OR11A1: variants seen among roughly 807,000 people sequenced by gnomAD.
OR11A1 encodes olfactory receptor 11A1.
For missense variants in OR11A1, 380 were observed against 378.2 expected (o/e 1.00, Z -0.04); for synonymous variants, 158 against 152.2 (o/e 1.04, Z -0.28).
Position 29,426,838 on chromosome 6 carries a change from G to A in OR11A1, c.804C>T (p.Ser268=), listed in dbSNP as rs918357780. The change falls in exon 5 of 5, where the codon TCC becomes TCT. Residue 268 remains serine, a synonymous_variant. Transcript: ENST00000377149. ...IFYVAPSAVH[S]QLLSKVFSLL... ...GGGAGAAGACCTTGGAGAGGAGCTG[G>A]GAATGGACAGCAGAGGGTGCAACAT... 1.9e-6 allele frequency: 3 copies of A among 1,613,124 alleles called. No individual in the cohort carries two copies. The highest frequency in any genetic ancestry group is 2.5e-6 in the Non-Finnish European group (3 of 1,180,016).
At chr6:29,456,434 C>G (rs1399311599) in intron 1 of OR11A1, among the ~76,000 whole-genome samples, 1 of 147,224 alleles carries the variant, frequency 6.8e-6, no homozygotes, top group Non-Finnish European at 1.5e-5. Context: ...GGCGTGAACC[C>G]GGAAGGCAGA....
intron 1 of OR11A1, among the ~76,000 whole-genome samples, chr6:29,452,575 C>T (rs1785540492): frequency 6.6e-6 from 1 of 152,012 alleles, no homozygotes; most frequent in Admixed American, 6.5e-5. Flanking sequence ...AACATCTCAA[C>T]AGAAACAAAG....
At chr6:29,443,063 G>A (rs1238943261) in intron 1 of OR11A1, among the ~76,000 whole-genome samples, 1 of 152,150 alleles carries the variant, frequency 6.6e-6, no homozygotes, top group African/African-American at 2.4e-5. Flanking sequence ...ATATCTCAGT[G>A]ATAGGAATCA....
chr6:29,440,524 C>G (rs1364050973), intron 1 of OR11A1: 1 of 1,613,772 alleles, frequency 6.2e-7, no homozygotes, highest in South Asian at 1.1e-5. Context: ...TTCTGCGGCC[C>G]CAATACCATC....
Position 29,445,792 on chromosome 6 carries a change from G to A in OR11A1, c.-389+11195C>T, listed in dbSNP as rs147251524. On this transcript the variant is annotated intron_variant, in intron 1 of 4. Coordinates refer to ENST00000377149, the MANE Select transcript of OR11A1 (RefSeq NM_001394828.1). ...GTGGCTCAGTCCTGGAAATGGGAGCGTGTGCTTGTCCATTGCCAGCCTCTC... is the reference window on the plus strand; with the variant it reads ...GTGGCTCAGTCCTGGAAATGGGAGCATGTGCTTGTCCATTGCCAGCCTCTC... Among the ~76,000 whole-genome samples the A allele has an allele frequency of 2.5e-3, 387 of 152,300 alleles. 1 individual carries two copies. The highest frequency in any genetic ancestry group is 5.3e-3 in the African/African-American group (220 of 41,568).
rs374689335 is a variant in OR11A1, at chr6:29,427,465, T to C, written c.177A>G (p.Lys59=). 37 of 1,613,038 alleles carry C rather than the reference T, an allele frequency of 2.3e-5. No individual in the cohort carries two copies. The highest frequency in any genetic ancestry group is 1.6e-4 in the Middle Eastern group (1 of 6,062). Residue 59 remains lysine, a synonymous_variant, in exon 5 of 5, where the codon AAA becomes AAG. Transcript: ENST00000377149. ...GATTCGCCAAGAAAATATACATGGG[T>C]TTGTGGAGCCTCTGGGAGCTAACCA... ...VAVVSSQRLH[K]PMYIFLANLS...
chr6:29,444,524 G>C lies in OR11A1; in HGVS notation c.-389+12463C>G, dbSNP rs187368792. Among the ~76,000 whole-genome samples the C allele has an allele frequency of 2.7e-4, 41 of 152,244 alleles. 1 individual carries two copies. The highest frequency in any genetic ancestry group is 3.3e-4 in the Admixed American group (5 of 15,292). ...TAAACATAAAGGCTAAATCAAATGA[G>C]CTCTGGATTGAGTTCCAGATCCACT... On this transcript the variant is annotated intron_variant, in intron 1 of 4. Transcript: ENST00000377149.
At chr6:29,451,192 A>G (rs995998578) in intron 1 of OR11A1, among the ~76,000 whole-genome samples, 3 of 152,254 alleles carry the variant, frequency 2.0e-5, no homozygotes, top group Admixed American at 1.3e-4. Flanking sequence ...ACCATATGCA[A>G]AAGTCAACTC....
intron 1 of OR11A1, chr6:29,439,238 T>G (rs903243700): frequency 2.6e-5 from 4 of 152,188 alleles, no homozygotes; most frequent in African/African-American, 9.6e-5. Context: ...TTGTGGAGTT[T>G]ATGTGTGTAG....
chr6:29,428,474 G>T, intron 4 of OR11A1: 1 of 891,544 alleles, frequency 1.1e-6, no homozygotes, highest in South Asian at 5.2e-5. Flanking sequence ...TTGGCCAGGA[G>T]GCCGGGCTTG....
At chr6:29,441,491 G>C (rs1784188238) in intron 1 of OR11A1, among the ~76,000 whole-genome samples, 1 of 152,212 alleles carries the variant, frequency 6.6e-6, no homozygotes, top group Admixed American at 6.5e-5. Flanking sequence ...CAGAGGTTAA[G>C]AGAACAGATT....
At position 29,453,244 on chromosome 6, in the gene OR11A1, A is replaced by T. The variant is rs1785639589; in HGVS notation, c.-389+3743T>A. ...AAAATAAAATTCACCAGATATGGTG[A>T]ATTAAAGAGGACAGCAAATCCTTCC... is the stretch of plus-strand genomic sequence containing the variant. On this transcript the variant is annotated intron_variant, in intron 1 of 4. Coordinates refer to ENST00000377149, the MANE Select transcript of OR11A1 (RefSeq NM_001394828.1). This position sits in a 1 kb window ranked among gnomAD's most constrained non-coding sequence, Gnocchi z 4.5. 6.6e-6 allele frequency among the ~76,000 whole-genome samples: 1 copy of T among 151,228 alleles called. No homozygotes were observed. The highest frequency in any genetic ancestry group is 2.1e-4 in the South Asian group (1 of 4,818).
intron 1 of OR11A1, among the ~76,000 whole-genome samples, chr6:29,442,783 C>G (rs546781379): frequency 6.6e-6 from 1 of 152,260 alleles, no homozygotes; most frequent in Non-Finnish European, 1.5e-5. Context: ...TAGCGAGGAA[C>G]AGCATTTAAG....
chr6:29,445,683 G>T (rs1232174522), intron 1 of OR11A1, among the ~76,000 whole-genome samples: 3 of 152,178 alleles, frequency 2.0e-5, no homozygotes, highest in Non-Finnish European at 4.4e-5. Flanking sequence ...CCTAGGGAGG[G>T]CTTGGAGAGC....
chr6:29,441,791 G>A (rs1297522151), intron 1 of OR11A1, among the ~76,000 whole-genome samples: 3 of 152,108 alleles, frequency 2.0e-5, no homozygotes, highest in Non-Finnish European at 4.4e-5. Flanking sequence ...TTGTGTTCAT[G>A]TGTACTCAGT....
intron 1 of OR11A1, among the ~76,000 whole-genome samples, chr6:29,447,859 C>T (rs6906897): frequency 0.099 from 15,077 of 152,170 alleles, 1,364 homozygotes; most frequent in African/African-American, 0.23. Flanking sequence ...CTCCTTGACA[C>T]TGGATATGCA....
chr6:29,431,288 C>T (rs949402176), intron 2 of OR11A1, among the ~76,000 whole-genome samples: 3 of 151,916 alleles, frequency 2.0e-5, no homozygotes, highest in African/African-American at 7.3e-5. Flanking sequence ...GCTAAACAAA[C>T]ATGTTATGTT....
intron 4 of OR11A1, 136 bp from the exon 5 acceptor site, chr6:29,427,868 C>G: frequency 2.9e-6 from 2 of 697,452 alleles, no homozygotes; most frequent in East Asian, 2.8e-5. Flanking sequence ...CTTAATTGTG[C>G]ATATTCTTTA....
chr6:29,440,009 A>G (rs1261520976), intron 1 of OR11A1: 1 of 1,607,622 alleles, frequency 6.2e-7, no homozygotes, highest in Non-Finnish European at 8.5e-7. Context: ...AAAGGTATGC[A>G]GGCAGGATGA....
Sources: allele counts gnomAD v4.1 joint callset (sites outside exome capture counted in the v4.1 genomes callset), GRCh38; gene constraint gnomAD v4.1.1; non-coding constraint Gnocchi (gnomAD v3.1); transcripts MANE v1.5; gene names NCBI Gene and HGNC (gene_info 2026-07-23, HGNC 2026-07-21).